WDR59: variants seen among roughly 807,000 people sequenced by gnomAD.
The protein encoded by WDR59 is GATOR2 complex protein WDR59.
A neutral mutation model predicts 131.2 loss-of-function variants in WDR59; 100 were observed. The ratio of observed to expected loss-of-function variants is 0.76; its 90% confidence interval spans 0.65 to 0.90. The LOEUF (loss-of-function observed/expected upper bound fraction) is 0.90. Among genes scored for constraint, WDR59 ranks in the 40% least tolerant of loss-of-function variants. WDR59 has a pLI of 0.00. For synonymous variants in WDR59, 601 were observed against 466.2 expected, an observed-to-expected ratio of 1.29 and a Z score of -3.72; for missense variants, 1,203 against 1,262.2, an observed-to-expected ratio of 0.95 and a Z score of 0.71.
intron 4 of WDR59, 43 bp from the exon 5 acceptor site, chr16:74,949,841 T>C (rs759745149): frequency 3.1e-6 from 5 of 1,593,852 alleles, no homozygotes; most frequent in Non-Finnish European, 4.3e-6. Context: ...AGGAAAAAAA[T>C]TCAGAGTCCA....
intron 7 of WDR59, among the ~76,000 whole-genome samples, chr16:74,940,334 G>A (rs1439673802): frequency 6.6e-6 from 1 of 150,776 alleles, no homozygotes; most frequent in African/African-American, 2.4e-5. Context: ...AGCCAAGAAT[G>A]CGCCATTGCA....
At chr16:74,976,316 C>T (rs374187382) in intron 1 of WDR59, among the ~76,000 whole-genome samples, 1 of 152,010 alleles carries the variant, frequency 6.6e-6, no homozygotes, top group Non-Finnish European at 1.5e-5. Context: ...AAATCACCAA[C>T]CATTATTAGG....
chr16:74,975,086 C>T lies in WDR59; in HGVS notation c.55-9264G>A, dbSNP rs571139438. On this transcript the variant is annotated intron_variant, in intron 1 of 25. Transcript: ENST00000262144. ...TTATGAATGAAGGAAGTCAGTCGGG[C>T]GCAGAGGCTCACACCTGTAATCCCA... Among the ~76,000 whole-genome samples the T allele has an allele frequency of 5.3e-5, 8 of 152,308 alleles. No homozygotes were observed. The South Asian group carries it at 1.5e-3, about 28-fold the overall frequency.
At position 74,926,195 on chromosome 16, in the gene WDR59, G is replaced by A. The variant is rs1034673773; in HGVS notation, c.652-2192C>T. The stretch of plus-strand genomic sequence containing the variant: ...CTGCCTCAGCCTCCCACGTAGCTGG[G>A]ATTACAGGCACGCACCACCACGCCT... On this transcript the variant is annotated intron_variant, in intron 8 of 25. Transcript: ENST00000262144. 3.3e-5 allele frequency among the ~76,000 whole-genome samples: 5 copies of A among 151,798 alleles called. No individual in the cohort carries two copies. In the South Asian group the frequency reaches 6.2e-4, roughly 19 times the overall value.
Position 74,938,233 on chromosome 16 carries a change from G to A in WDR59, c.568C>T (p.His190Tyr). The change falls in exon 8 of 26, where the codon CAC becomes TAC. Residue 190 changes from histidine (H) to tyrosine (Y), a missense_variant. Physicochemically the swap from His to Tyr is moderately conservative, Grantham distance 83. Coordinates refer to ENST00000262144, the MANE Select transcript of WDR59 (RefSeq NM_030581.4). ...TCCAGGCCATGGATTTTGGAGAGGTGGGCGGCTAGATATTCCACTGCTGTA... is the reference window on the plus strand; with the variant it reads ...TCCAGGCCATGGATTTTGGAGAGGTAGGCGGCTAGATATTCCACTGCTGTA... ...PSTAVEYLAA[H>Y]LSKIHGLDWH... 1 of 1,564,622 alleles carries A rather than the reference G, an allele frequency of 6.4e-7. No individual in the cohort carries two copies. The highest frequency in any genetic ancestry group is 8.7e-7 in the Non-Finnish European group (1 of 1,155,016).
At chr16:74,946,730 A>C (rs889260802) in intron 6 of WDR59, among the ~76,000 whole-genome samples, 1 of 152,056 alleles carries the variant, frequency 6.6e-6, no homozygotes, top group African/African-American at 2.4e-5. Flanking sequence ...CTCAAAAAAA[A>C]AGAAAAAAGA....
intron 2 of WDR59, chr16:74,963,106 A>G (rs182154652): frequency 6.6e-6 from 1 of 152,150 alleles, no homozygotes; most frequent in Non-Finnish European, 1.5e-5. Flanking sequence ...AATACAAAAA[A>G]TTAGCCAGGC....
chr16:74,885,631 A>C, intron 25 of WDR59, 22 bp downstream of exon 25: 6 of 1,612,472 alleles, frequency 3.7e-6, no homozygotes, highest in Non-Finnish European at 4.2e-6. Context: ...AGTGAAAGGA[A>C]GAGAGAGAAA....
At chr16:74,884,311 T>C (rs1336232215) in intron 25 of WDR59, among the ~76,000 whole-genome samples, 1 of 152,198 alleles carries the variant, frequency 6.6e-6, no homozygotes, top group Non-Finnish European at 1.5e-5. Context: ...TTACTTCTTA[T>C]GCCCTTGGAA....
intron 21 of WDR59, among the ~76,000 whole-genome samples, chr16:74,889,424 G>C (rs1163769025): frequency 6.6e-6 from 1 of 152,134 alleles, no homozygotes; most frequent in African/African-American, 2.4e-5. Context: ...CCTGTATTCA[G>C]ACTGATGTGA....
chr16:74,913,935 A>G (rs1312648661), intron 13 of WDR59, among the ~76,000 whole-genome samples: 1 of 152,212 alleles, frequency 6.6e-6, no homozygotes, highest in African/African-American at 2.4e-5. Context: ...GGCTGGGCAC[A>G]GTGGCTCACG....
intron 20 of WDR59, 63 bp from the exon 21 acceptor site, chr16:74,889,878 C>A (rs1337076735): frequency 4.7e-6 from 6 of 1,265,378 alleles, no homozygotes. Context: ...AACCATGAAG[C>A]AATCCCACCT....
intron 7 of WDR59, among the ~76,000 whole-genome samples, chr16:74,942,419 C>T (rs2032303664): frequency 6.6e-6 from 1 of 152,162 alleles, no homozygotes; most frequent in Non-Finnish European, 1.5e-5. Flanking sequence ...CCCACTGACA[C>T]ACACACTGTT....
intron 18 of WDR59, among the ~76,000 whole-genome samples, chr16:74,901,087 A>G (rs1965525870): frequency 6.6e-6 from 1 of 151,784 alleles, no homozygotes; most frequent in South Asian, 2.1e-4. Context: ...AACAAGAGCA[A>G]AATGCTGTCT....
At chr16:74,893,464 C>G (rs940094595) in intron 19 of WDR59, among the ~76,000 whole-genome samples, 2 of 152,086 alleles carry the variant, frequency 1.3e-5, no homozygotes, top group Non-Finnish European at 2.9e-5. Flanking sequence ...AAAGCTGTGT[C>G]CAGACTCGCG....
At chr16:74,882,572 A>T (rs1267105457) in intron 25 of WDR59, among the ~76,000 whole-genome samples, 3 of 152,098 alleles carry the variant, frequency 2.0e-5, no homozygotes, top group Admixed American at 6.6e-5. Flanking sequence ...GTCTCTACTA[A>T]AAATACAAGT....
At chr16:74,945,239 G>A (rs924988200) in intron 6 of WDR59, among the ~76,000 whole-genome samples, 29 of 152,294 alleles carry the variant, frequency 1.9e-4, no homozygotes, top group African/African-American at 6.3e-4. Flanking sequence ...CACTTTGGGA[G>A]GCCGAGGCGG....
At position 74,904,059 on chromosome 16, in the gene WDR59, G is replaced by A. The variant is rs554995810; in HGVS notation, c.1754C>T (p.Ala585Val). ...ALSAYHTGLI[A>V]PMKIRTEAPG... ...GGCCTCTGTGCGGATCTTCATGGGC[G>A]CGATCAAGCCAGTGTGATAAGCAGA... The change falls in exon 18 of 26, where the codon GCG (alanine) becomes GTG (valine). Residue 585 changes from alanine to valine, a missense_variant. By Grantham distance (64) the Ala-to-Val change is moderately conservative. Transcript: ENST00000262144. 26 of 1,613,478 alleles carry A rather than the reference G, an allele frequency of 1.6e-5. No homozygotes were observed. In the East Asian group the frequency reaches 2.2e-4, roughly 14 times the overall value.
At chr16:74,983,316 T>C (rs1053295101) in intron 1 of WDR59, among the ~76,000 whole-genome samples, 3 of 149,692 alleles carry the variant, frequency 2.0e-5, no homozygotes, top group Non-Finnish European at 4.5e-5. Flanking sequence ...CTACAAAAAA[T>C]ACAAAACTTA....
Sources: gnomAD v4.1 joint callset for allele counts (sites outside exome capture counted in the v4.1 genomes callset) on GRCh38, gnomAD v4.1.1 for gene constraint, MANE v1.5 for transcripts, NCBI Gene and HGNC (gene_info 2026-07-23, HGNC 2026-07-21) for gene names.